TLCD3B: variants seen among roughly 807,000 people sequenced by gnomAD.
The protein encoded by TLCD3B is TLC domain containing 3B.
A neutral mutation model predicts 23.0 loss-of-function variants in TLCD3B; 9 were observed. That is an observed-to-expected ratio of 0.39 (90% CI 0.24 to 0.68). The LOEUF is 0.68. Among genes scored for constraint, TLCD3B ranks in the 30% least tolerant of loss-of-function variants. The probability of loss-of-function intolerance (pLI) is 0.44; values close to 1 mark genes in which losing one functional copy is unlikely to be tolerated. For missense variants in TLCD3B, 307 were observed against 371.8 expected (o/e 0.83, Z 1.43); for synonymous variants, 161 against 161.0 (o/e 1.00, Z 0.00).
chr16:30,052,494 C>A (rs1342200908), intron 1 of TLCD3B, among the ~76,000 whole-genome samples: 1 of 151,734 alleles, frequency 6.6e-6, no homozygotes, highest in African/African-American at 2.4e-5. Flanking sequence ...GTCAGGAGTT[C>A]GAGACCAGCC....
exon 1 of TLCD3B, chr16:30,052,868 A>G (rs1177957175): frequency 6.6e-6 from 1 of 152,068 alleles, no homozygotes; most frequent in Non-Finnish European, 1.5e-5. Flanking sequence ...TGGGGGTTCA[A>G]TCCTCCTGTG....
chr16:30,041,005 A>C (rs2071572448), exon 3 of TLCD3B: 1 of 152,138 alleles, frequency 6.6e-6, no homozygotes, highest in South Asian at 2.1e-4. Flanking sequence ...CCTAGACAAG[A>C]AAATGTGGAA....
upstream of TLCD3B, chr16:30,031,374 G>A (rs2071356044): frequency 6.6e-6 from 1 of 152,360 alleles, no homozygotes. Flanking sequence ...GGCTGCTGGG[G>A]ACAGGGGACA....
chr16:30,033,605 C>T (rs1346935498), upstream of TLCD3B: 1 of 152,170 alleles, frequency 6.6e-6, no homozygotes, highest in Admixed American at 6.6e-5. Flanking sequence ...TTTGTTTGGC[C>T]AGTATGCAGT....
Position 30,038,559 on chromosome 16 carries a change from G to C in TLCD3B, c.-66-2345C>G, listed in dbSNP as rs139487984. 5.2e-3 allele frequency among the ~76,000 whole-genome samples: 790 copies of C among 152,310 alleles called. 15 individuals are homozygous for C. Among genetic ancestry groups the C allele is most frequent in the East Asian group, 0.05 (258 of 5,186 alleles). Reference sequence around the variant, plus strand: ...AAGGTCAGGAGTTCAAGACCAGCCTGACCAACATGGTGAAACCCCATCTCT... The same window carrying C: ...AAGGTCAGGAGTTCAAGACCAGCCTCACCAACATGGTGAAACCCCATCTCT... On this transcript the variant is annotated intron_variant, in intron 3 of 6. Coordinates refer to the TLCD3B transcript ENST00000561666.
chr16:30,048,745 T>A (rs2071709320), intron 1 of TLCD3B, among the ~76,000 whole-genome samples: 1 of 152,006 alleles, frequency 6.6e-6, no homozygotes. Flanking sequence ...TAGCTGAGAT[T>A]ACAGGCATGC....
At chr16:30,049,735 G>A (rs774928000) in intron 1 of TLCD3B, among the ~76,000 whole-genome samples, 8 of 152,092 alleles carry the variant, frequency 5.3e-5, no homozygotes, top group Non-Finnish European at 1.2e-4. Context: ...GACTAGCCTG[G>A]CCAACATGGT....
chr16:30,043,104 G>GA (rs940455187), intron 2 of TLCD3B, among the ~76,000 whole-genome samples: 4 of 149,982 alleles, frequency 2.7e-5, no homozygotes, highest in South Asian at 4.2e-4. Flanking sequence ...GTCTCCAAAA[G>GA]AAAAAAAAAG....
At chr16:30,040,147 A>AAT (rs1192651776) in intron 3 of TLCD3B, among the ~76,000 whole-genome samples, 5,786 of 95,666 alleles carry the variant, frequency 0.06, 296 homozygotes, top group Middle Eastern at 0.11. Flanking sequence ...AAAAAAAAAA[A>AAT]ATATATATAT....
chr16:30,027,136 G>T (rs1220502603), intron 2 of TLCD3B: 2 of 524,094 alleles, frequency 3.8e-6, no homozygotes, highest in Non-Finnish European at 7.4e-6. Context: ...AGACCAAAAG[G>T]CACAGATACA....
At chr16:30,047,424 C>A (rs921209293) in intron 1 of TLCD3B, among the ~76,000 whole-genome samples, 2 of 152,224 alleles carry the variant, frequency 1.3e-5, no homozygotes, top group South Asian at 2.1e-4. Flanking sequence ...CAGGTTCAAG[C>A]AATTCTCCTG....
At chr16:30,034,285 A>G (rs2071422875), upstream of TLCD3B, among the ~76,000 whole-genome samples, 1 of 151,292 alleles carries the variant, frequency 6.6e-6, no homozygotes, top group Non-Finnish European at 1.5e-5. Context: ...CTCAAAAAAA[A>G]AGAAGAGGCC....
upstream of TLCD3B, chr16:30,053,032 C>A (rs546927256): frequency 5.9e-5 from 9 of 152,410 alleles, no homozygotes; most frequent in Middle Eastern, 3.4e-3. Flanking sequence ...GAAGCTTAGG[C>A]GGGAAGAGGG....
intron 1 of TLCD3B, 177 bp downstream of exon 1, chr16:30,030,226 C>A: frequency 8.2e-7 from 1 of 1,224,952 alleles, no homozygotes; most frequent in Non-Finnish European, 1.2e-6. Flanking sequence ...ATGAGGTCTC[C>A]CAGAACAGTG....
intron 2 of TLCD3B, among the ~76,000 whole-genome samples, chr16:30,042,025 G>A (rs1034715031): frequency 1.3e-5 from 2 of 152,048 alleles, no homozygotes; most frequent in African/African-American, 4.8e-5. Flanking sequence ...GTTCCCCTAA[G>A]GAGCCCTTTT....
chr16:30,030,563 C>A lies in TLCD3B; in HGVS notation c.-36G>T, dbSNP rs2071326384. The A allele has an allele frequency of 2.6e-6, 4 of 1,536,274 alleles. No homozygotes were observed. The highest frequency in any genetic ancestry group is 2.4e-5 in the East Asian group (1 of 41,954). On this transcript the variant is annotated 5_prime_UTR_variant, in exon 1 of 5. Transcript: ENST00000380495. The stretch of plus-strand genomic sequence containing the variant: ...GACTTGGGCAGGGAGGCAGGCGGGC[C>A]GTGAAGGGGCAGGGAGGCCGAGTGG...
upstream of TLCD3B, chr16:30,035,183 A>G (rs1410366469): frequency 1.4e-6 from 1 of 700,508 alleles, no homozygotes; most frequent in East Asian, 7.0e-5. Flanking sequence ...AAGTGCTGGA[A>G]TTATAGGCGT....
chr16:30,052,049 A>C (rs1024129630), intron 1 of TLCD3B, among the ~76,000 whole-genome samples: 1 of 152,014 alleles, frequency 6.6e-6, no homozygotes, highest in Non-Finnish European at 1.5e-5. Context: ...CCTTAACAAC[A>C]TAGCAAGACC....
chr16:30,035,983 G>A (rs1030742445), upstream of TLCD3B, among the ~76,000 whole-genome samples: 1 of 151,908 alleles, frequency 6.6e-6, no homozygotes, highest in African/African-American at 2.4e-5. Context: ...GGATGGTCTC[G>A]AATTCCTGAC....
Sources: allele counts gnomAD v4.1 joint callset (sites outside exome capture counted in the v4.1 genomes callset), GRCh38; gene constraint gnomAD v4.1.1; transcripts MANE v1.5; gene names NCBI Gene and HGNC (gene_info 2026-07-23, HGNC 2026-07-21).